The following CENPP variants were observed in gnomAD, a reference collection of about 807,000 sequenced individuals.
CENPP encodes centromere protein P.
A neutral mutation model predicts 35.6 loss-of-function variants in CENPP; 24 were observed. The observed-to-expected ratio is 0.67, with a 90% CI of 0.49 to 0.95. CENPP has a LOEUF of 0.95. Among genes scored for constraint, CENPP ranks in the 40% least tolerant of loss-of-function variants. The probability of loss-of-function intolerance (pLI) is 0.00; values close to 1 mark genes in which losing one functional copy is unlikely to be tolerated. For synonymous variants in CENPP, 120 were observed against 125.5 expected (o/e 0.96, Z 0.29); for missense variants, 332 against 345.3 (o/e 0.96, Z 0.31).
At chr9:92,391,155 G>C (rs1842662387) in intron 5 of CENPP, among the ~76,000 whole-genome samples, 1 of 151,956 alleles carries the variant, frequency 6.6e-6, no homozygotes, top group Admixed American at 6.6e-5. Flanking sequence ...CCAGCACTTT[G>C]GGAGGCCAAG....
chr9:92,457,414 C>T (rs1212957673), intron 5 of CENPP: 1 of 1,613,566 alleles, frequency 6.2e-7, no homozygotes, highest in Non-Finnish European at 8.5e-7. Flanking sequence ...AAGATTTCTT[C>T]ATCTTTGGCA....
chr9:92,390,445 G>A (rs1286926709), intron 5 of CENPP, among the ~76,000 whole-genome samples: 3 of 152,074 alleles, frequency 2.0e-5, no homozygotes, highest in South Asian at 2.1e-4. Flanking sequence ...GGCATGTTGC[G>A]TTGTGATTCT....
chr9:92,425,636 A>G (rs1035868731), intron 5 of CENPP, among the ~76,000 whole-genome samples: 2 of 152,220 alleles, frequency 1.3e-5, no homozygotes, highest in African/African-American at 4.8e-5. Flanking sequence ...TTAGCTTTTT[A>G]CAAAGAACTC....
At position 92,440,251 on chromosome 9, in the gene CENPP, C is replaced by A. The variant is rs960200422; in HGVS notation, c.564+60392C>A. Among the ~76,000 whole-genome samples, 8 of 151,902 alleles carry A rather than the reference C, an allele frequency of 5.3e-5. No individual in the cohort carries two copies. In the South Asian group the frequency reaches 6.2e-4, roughly 12 times the overall value. On this transcript the variant is annotated intron_variant, in intron 5 of 7. Transcript: ENST00000375587. ...GTCAAAGAGAATCTATAACGGGGTG[C>A]CTAGTCTTTTGGCTTCCCTGGGCCA...
At chr9:92,420,175 G>T (rs184181168) in intron 5 of CENPP, among the ~76,000 whole-genome samples, 2 of 151,942 alleles carry the variant, frequency 1.3e-5, no homozygotes, top group Admixed American at 6.6e-5. Context: ...TGAGTATTCC[G>T]CACTCAGACC....
rs778776532 is a variant in CENPP, at chr9:92,457,498, GA to G, written c.564+77645del. On this transcript the variant is annotated intron_variant, in intron 5 of 7. Coordinates refer to ENST00000375587, the MANE Select transcript of CENPP (RefSeq NM_001012267.3). The stretch of plus-strand genomic sequence containing the variant: ...GAAGGAAGATTATCTGTTGTAGTAG[GA>G]AAAAAGAAAGGATTAAAAATACCCA... The G allele has an allele frequency of 8.3e-6, 13 of 1,564,674 alleles. No homozygotes were observed. The Admixed American group carries it at 8.5e-5, about 10-fold the overall frequency.
At chr9:92,436,415 C>T (rs1844247290) in intron 5 of CENPP, among the ~76,000 whole-genome samples, 2 of 152,082 alleles carry the variant, frequency 1.3e-5, no homozygotes, top group Non-Finnish European at 2.9e-5. Flanking sequence ...TGGTGAAGTC[C>T]AGTTTATTGA....
intron 5 of CENPP, chr9:92,457,582 GT>G: frequency 1.1e-6 from 1 of 870,144 alleles, no homozygotes; most frequent in South Asian, 1.7e-5. Flanking sequence ...TTATTCATCT[GT>G]TTATTTTACA....
upstream of CENPP, chr9:92,325,868 T>C (rs556469355): frequency 2.1e-3 from 1,449 of 680,856 alleles, 6 homozygotes; most frequent in Non-Finnish European, 2.5e-3. Flanking sequence ...CGCGGAGCTC[T>C]CCCGCCTCCC....
intron 5 of CENPP, among the ~76,000 whole-genome samples, chr9:92,608,494 G>T (rs1242926740): frequency 1.3e-5 from 2 of 152,150 alleles, no homozygotes; most frequent in African/African-American, 4.8e-5. Context: ...CTGCTGTTGA[G>T]ATGTGCTGAC....
chr9:92,340,800 G>T (rs947873648), intron 3 of CENPP, among the ~76,000 whole-genome samples: 3 of 152,002 alleles, frequency 2.0e-5, no homozygotes, highest in Non-Finnish European at 4.4e-5. Flanking sequence ...TGTAATAATT[G>T]CATTAACTGC....
At chr9:92,379,704 C>A in intron 4 of CENPP, 59 bp from the exon 5 acceptor site, 1 of 1,277,372 alleles carries the variant, frequency 7.8e-7, no homozygotes, top group Non-Finnish European at 1.1e-6. Flanking sequence ...AGAAATAAAG[C>A]TAGATTGGGT....
intron 5 of CENPP, among the ~76,000 whole-genome samples, chr9:92,388,646 G>A (rs1328578603): frequency 6.6e-6 from 1 of 151,466 alleles, no homozygotes. Flanking sequence ...TTCAAGACCA[G>A]CCTGGCCAAC....
At chr9:92,477,635 C>T (rs1177141980) in intron 5 of CENPP, among the ~76,000 whole-genome samples, 1 of 152,076 alleles carries the variant, frequency 6.6e-6, no homozygotes, top group Non-Finnish European at 1.5e-5. Flanking sequence ...ACCAAGCACC[C>T]ACTGTACCCC....
chr9:92,567,379 T>TATATATATATATATATATATATAG (rs1564005517), intron 5 of CENPP, among the ~76,000 whole-genome samples: 3 of 90,442 alleles, frequency 3.3e-5, no homozygotes, highest in South Asian at 5.9e-4. Context: ...GATAGATATA[T>TATATATATATATATATATATATAG]ATATATATAT....
At chr9:92,554,752 C>G (rs1403292814) in intron 5 of CENPP, among the ~76,000 whole-genome samples, 1 of 151,994 alleles carries the variant, frequency 6.6e-6, no homozygotes, top group African/African-American at 2.4e-5. Context: ...AGTTTCCTGC[C>G]TCAGCCTCCC....
chr9:92,538,590 T>C (rs1186678852), intron 5 of CENPP, among the ~76,000 whole-genome samples: 1 of 152,188 alleles, frequency 6.6e-6, no homozygotes, highest in South Asian at 2.1e-4. Flanking sequence ...AAAACCAAAT[T>C]TTATAATTTC....
At chr9:92,612,919 G>A (rs1851310048) in intron 7 of CENPP, 100 bp from the exon 8 acceptor site, 1 of 1,391,932 alleles carries the variant, frequency 7.2e-7, no homozygotes. Flanking sequence ...AGCTAGTCGG[G>A]AGGAGTGCGG....
At chr9:92,343,490 A>G (rs552003750) in intron 3 of CENPP, among the ~76,000 whole-genome samples, 3 of 152,264 alleles carry the variant, frequency 2.0e-5, no homozygotes, top group Non-Finnish European at 4.4e-5. Flanking sequence ...CTTCTGTCCC[A>G]ATGAAATGAA....
Sources: allele counts gnomAD v4.1 joint callset (sites outside exome capture counted in the v4.1 genomes callset), GRCh38; gene constraint gnomAD v4.1.1; transcripts MANE v1.5; gene names NCBI Gene and HGNC (gene_info 2026-07-23, HGNC 2026-07-21).